Variants in NREP observed in about 807,000 individuals in gnomAD.
NREP encodes neuronal regeneration-related protein.
In NREP, 5 loss-of-function variants were observed where a neutral mutation model predicts 8.6. That is an observed-to-expected ratio of 0.58 (90% CI 0.30 to 1.22). The LOEUF (loss-of-function observed/expected upper bound fraction) is 1.22. Ranked by LOEUF, NREP falls within the 50% of genes most tolerant of loss-of-function variation. NREP has a pLI of 0.07. For synonymous variants in NREP, 27 were observed against 28.0 expected (o/e 0.96, Z 0.11); for missense variants, 86 against 82.5 (o/e 1.04, Z -0.17).
At chr5:111,894,710 A>T (rs993807026) in intron 2 of NREP, among the ~76,000 whole-genome samples, 1 of 152,170 alleles carries the variant, frequency 6.6e-6, no homozygotes, top group African/African-American at 2.4e-5. Flanking sequence ...CATGAATTTT[A>T]CTTACAGGCA....
At chr5:111,860,925 G>C (rs1433999743) in intron 2 of NREP, among the ~76,000 whole-genome samples, 1 of 152,076 alleles carries the variant, frequency 6.6e-6, no homozygotes, top group East Asian at 1.9e-4. Flanking sequence ...TCTGGAAGTG[G>C]GATAAAGATG....
rs181842512 is a variant in NREP at position 111,880,579 on chromosome 5, T to C, written c.135+94695A>G. ...TCTTTTTATAAGAACATCAGTCATA[T>C]TGGATTAGGGACCATCATAAAGACT... On this transcript the variant is annotated intron_variant, in intron 2 of 3. Transcript: ENST00000395634. Among the ~76,000 whole-genome samples the C allele has an allele frequency of 1.5e-3, 224 of 152,326 alleles. 2 individuals are homozygous for C. The highest frequency in any genetic ancestry group is 5.1e-3 in the African/African-American group (212 of 41,566).
intron 2 of NREP, among the ~76,000 whole-genome samples, chr5:111,879,368 C>T (rs1044527174): frequency 1.3e-5 from 2 of 152,178 alleles, no homozygotes; most frequent in Non-Finnish European, 2.9e-5. Flanking sequence ...TAAAAGATCC[C>T]TTCCCTCATG....
chr5:111,857,389 A>G (rs1364085869), intron 2 of NREP, among the ~76,000 whole-genome samples: 2 of 152,218 alleles, frequency 1.3e-5, no homozygotes, highest in African/African-American at 2.4e-5. Flanking sequence ...TTCAGCCCAC[A>G]TGATGGTTGT....
intron 2 of NREP, among the ~76,000 whole-genome samples, chr5:111,781,089 C>T (rs1430718011): frequency 2.0e-5 from 3 of 151,970 alleles, no homozygotes; most frequent in African/African-American, 7.2e-5. Context: ...ATTATTTTGC[C>T]ATCCAGGTAT....
chr5:111,793,237 A>C (rs1427705522), intron 2 of NREP, among the ~76,000 whole-genome samples: 1 of 152,170 alleles, frequency 6.6e-6, no homozygotes, highest in Non-Finnish European at 1.5e-5. Flanking sequence ...TAGATATATA[A>C]GAGGAGATTT....
chr5:111,771,029 A>G (rs1194212559), intron 2 of NREP, among the ~76,000 whole-genome samples: 2 of 152,212 alleles, frequency 1.3e-5, no homozygotes, highest in Non-Finnish European at 2.9e-5. Context: ...TCTGAAGAAT[A>G]AAGTGTTCAA....
chr5:111,902,072 A>C (rs961689972), intron 2 of NREP, among the ~76,000 whole-genome samples: 1 of 152,174 alleles, frequency 6.6e-6, no homozygotes. Context: ...ACTGTAACCA[A>C]AACAGCATAG....
chr5:111,845,118 T>C (rs1753127550), intron 2 of NREP, among the ~76,000 whole-genome samples: 1 of 151,946 alleles, frequency 6.6e-6, no homozygotes, highest in Admixed American at 6.6e-5. Context: ...CATGGTTCAG[T>C]AGGGCAGACC....
At chr5:111,800,223 C>T (rs11745043) in intron 2 of NREP, among the ~76,000 whole-genome samples, 9,931 of 152,136 alleles carry the variant, frequency 0.065, 340 homozygotes, top group African/African-American at 0.092. Context: ...CCACCACACA[C>T]GGTTTGAAAT....
In NREP at chr5:111,755,879, A is replaced by G. The variant is rs548473974; in HGVS notation, c.-58-49T>C. On this transcript the variant is annotated intron_variant, in intron 1 of 3. Transcript: ENST00000257435. ...TAGACACATCGCCTCACCACAGGTC[A>G]GCAAACGAAAAATGCCTCTTTAGAG... is the stretch of plus-strand genomic sequence containing the variant. 18 of 1,602,344 alleles carry G rather than the reference A, an allele frequency of 1.1e-5. No individual in the cohort carries two copies. The African/African-American group carries it at 2.1e-4, about 19-fold the overall frequency.
intron 2 of NREP, among the ~76,000 whole-genome samples, chr5:111,925,206 A>T (rs1284486540): frequency 6.6e-6 from 1 of 152,016 alleles, no homozygotes; most frequent in Non-Finnish European, 1.5e-5. Context: ...GAGTTGAGGA[A>T]TTGAGCCCTG....
chr5:111,893,951 C>T (rs1052402526), intron 2 of NREP, among the ~76,000 whole-genome samples: 1 of 152,016 alleles, frequency 6.6e-6, no homozygotes, highest in Admixed American at 6.6e-5. Flanking sequence ...GGCGCAGTGG[C>T]TCACGCCTGT....
At chr5:111,932,961 A>C (rs982143723) in intron 2 of NREP, among the ~76,000 whole-genome samples, 3 of 152,038 alleles carry the variant, frequency 2.0e-5, no homozygotes, top group African/African-American at 7.2e-5. Context: ...CATAAAGGAA[A>C]CGGTTCTGTC....
chr5:111,901,428 T>G (rs563538706), intron 2 of NREP, among the ~76,000 whole-genome samples: 1 of 152,254 alleles, frequency 6.6e-6, no homozygotes, highest in South Asian at 2.1e-4. Flanking sequence ...ATGACTAGGA[T>G]GCCCACTTTC....
intron 1 of NREP, 88 bp downstream of exon 1, chr5:111,757,048 G>A (rs1750758227): frequency 5.1e-6 from 1 of 196,440 alleles, no homozygotes; most frequent in Admixed American, 6.5e-5. Context: ...CTGCAGGGTT[G>A]AAGGGTCCAG....
chr5:111,908,852 C>T (rs933696009), intron 2 of NREP, among the ~76,000 whole-genome samples: 4 of 151,712 alleles, frequency 2.6e-5, no homozygotes, highest in Admixed American at 6.6e-5. Context: ...AATCTCCATA[C>T]TGCATTCCCT....
intron 2 of NREP, among the ~76,000 whole-genome samples, chr5:111,968,660 C>T (rs912542701): frequency 3.9e-5 from 6 of 152,172 alleles, no homozygotes; most frequent in African/African-American, 1.4e-4. Context: ...AAACTGATGA[C>T]CTTTCCTGCA....
chr5:111,970,698 C>A (rs1356700704), intron 2 of NREP, among the ~76,000 whole-genome samples: 1 of 151,874 alleles, frequency 6.6e-6, no homozygotes, highest in East Asian at 1.9e-4. Context: ...TGGTGGCATG[C>A]GCCTGTAAGC....
Sources: allele counts gnomAD v4.1 joint callset (sites outside exome capture counted in the v4.1 genomes callset), GRCh38; gene constraint gnomAD v4.1.1; transcripts MANE v1.5; gene names NCBI Gene and HGNC (gene_info 2026-07-23, HGNC 2026-07-21).